Variants in MMEL1 observed in about 807,000 individuals in gnomAD.
The protein encoded by MMEL1 is membrane metallo-endopeptidase-like 1.
Under a neutral mutation model 117.1 loss-of-function variants are expected in MMEL1, and 98 were observed. The ratio of observed to expected loss-of-function variants is 0.84; its 90% CI spans 0.71 to 0.99. The LOEUF (loss-of-function observed/expected upper bound fraction) is 0.99. Among genes scored for constraint, MMEL1 ranks in the 50% least tolerant of loss-of-function variants. The pLI is 0.00. For synonymous variants in MMEL1, 390 were observed against 415.1 expected (o/e 0.94, Z 0.74); for missense variants, 1,014 against 1,049.1 (o/e 0.97, Z 0.46).
chr1:2,604,044 C>A, intron 10 of MMEL1, 71 bp from the exon 11 acceptor site: 16 of 1,588,300 alleles, frequency 1.0e-5, no homozygotes, highest in Non-Finnish European at 1.4e-5. Flanking sequence ...CCAGTCCCTG[C>A]CTGCTACCGG....
chr1:2,609,567 G>A (rs1645093054), intron 5 of MMEL1, 103 bp downstream of exon 5: 3 of 1,537,122 alleles, frequency 2.0e-6, no homozygotes, highest in Admixed American at 1.8e-5. Flanking sequence ...ACTGGACCAA[G>A]GAGGAAGCAC....
intron 13 of MMEL1, among the ~76,000 whole-genome samples, chr1:2,597,562 G>C (rs1207799933): frequency 6.6e-6 from 1 of 152,098 alleles, no homozygotes. Flanking sequence ...TCACCTGGGT[G>C]ACCACATCGG....
At chr1:2,591,869 G>A in intron 22 of MMEL1, 63 bp downstream of exon 22, 2 of 1,515,462 alleles carry the variant, frequency 1.3e-6, no homozygotes, top group Non-Finnish European at 1.8e-6. Flanking sequence ...GTGCCCCAGA[G>A]TGGGCCCTCC....
In MMEL1 at chr1:2,617,287, C is replaced by T. The variant is rs1645216497; in HGVS notation, c.155-5083G>A. On this transcript the variant is annotated intron_variant, in intron 2 of 23. Coordinates refer to ENST00000378412, the MANE Select transcript of MMEL1 (RefSeq NM_033467.4). Reference sequence around the variant, plus strand: ...CTAAAAATACAAAAAATTAGCCGGGCGTGGTGGCGGGCGCCTGTAGTCCCA... The same window carrying T: ...CTAAAAATACAAAAAATTAGCCGGGTGTGGTGGCGGGCGCCTGTAGTCCCA... Among the ~76,000 whole-genome samples, 9 of 152,054 alleles carry T rather than the reference C, an allele frequency of 5.9e-5. No homozygotes were observed. In the South Asian group the frequency reaches 1.2e-3, roughly 21 times the overall value.
Position 2,598,779 on chromosome 1 carries a change from C to G in MMEL1, c.1053G>C (p.Trp351Cys), listed in dbSNP as rs1234443542. 6.2e-7 allele frequency: 1 copy of G among 1,612,174 alleles called. No homozygotes were observed. The highest frequency in any genetic ancestry group is 1.3e-5 in the African/African-American group (1 of 74,832). The change falls in exon 12 of 24, where the codon TGG becomes TGC. Residue 351 changes from tryptophan to cysteine, a missense_variant. Coordinates refer to ENST00000378412, the MANE Select transcript of MMEL1 (RefSeq NM_033467.4). ...QSQFGLKGFN[W>C]TLFIQTVLSS... Reference sequence around the variant, plus strand: ...ATAGCACAGTTTGTATGAACAGAGTCCAGTTAAATCCCTGCAGATAGAGGA... The same window carrying G: ...ATAGCACAGTTTGTATGAACAGAGTGCAGTTAAATCCCTGCAGATAGAGGA...
Position 2,592,819 on chromosome 1 carries a change from G to A in MMEL1, c.2001+14C>T. On this transcript the variant is annotated intron_variant, in intron 20 of 23. Transcript: ENST00000378412. The stretch of plus-strand genomic sequence containing the variant: ...CGGTACCCCCGCAGCCTGGGTGCTG[G>A]TGGCAGCGCTCACGTTCTGTTCGTC... 1 of 1,613,278 alleles carries A rather than the reference G, an allele frequency of 6.2e-7. No homozygotes were observed. Among genetic ancestry groups the A allele is most frequent in the East Asian group, 2.2e-5 (1 of 44,792 alleles).
rs1210444481 is a variant in MMEL1 at position 2,609,714 on chromosome 1, C to T, written c.410G>A (p.Ser137Asn). 1.9e-6 allele frequency: 3 copies of T among 1,613,466 alleles called. No homozygotes were observed. The Admixed American group carries it at 5.0e-5, about 27-fold the overall frequency. ...CTCGTCGCGGAGGACGTCAAAGATG[C>T]TGTATCTTGAGTTGGTCTCAGGGAT... ...HVIPETNSRY[S>N]IFDVLRDELE... The change falls in exon 5 of 24, where the codon AGC (serine) becomes AAC (asparagine). Residue 137 changes from serine to asparagine, a missense_variant. Coordinates refer to ENST00000378412, the MANE Select transcript of MMEL1 (RefSeq NM_033467.4).
Position 2,590,888 on chromosome 1 carries a change from G to A in MMEL1, c.*102C>T, listed in dbSNP as rs1644674851. The A allele has an allele frequency of 1.1e-6, 1 of 926,112 alleles. No individual in the cohort carries two copies. Among genetic ancestry groups the A allele is most frequent in the Non-Finnish European group, 1.5e-6 (1 of 680,890 alleles). The allele number at this position is 926,112 out of a possible 1,614,324, so 57.4% of individuals were successfully genotyped here. On this transcript the variant is annotated 3_prime_UTR_variant, in exon 24 of 24. Coordinates refer to ENST00000378412, the MANE Select transcript of MMEL1 (RefSeq NM_033467.4). Reference sequence around the variant, plus strand: ...CCTGGCAGGCAGGCTTGGCATGGTTGGCCGGGGCGGGACGTACACTGGGTC... The same window carrying A: ...CCTGGCAGGCAGGCTTGGCATGGTTAGCCGGGGCGGGACGTACACTGGGTC...
At position 2,592,718 on chromosome 1, in the gene MMEL1, C is replaced by G. The variant is rs148588192; in HGVS notation, c.2004G>C (p.Val668=). The change falls in exon 21 of 24, where the codon GTG becomes GTC. Residue 668 remains valine, a splice_region_variant and synonymous_variant. Transcript: ENST00000378412. ...TTTCCCCAAGGGTGTTGAATCCGTT[C>G]ACCTGCGCACAGGAGACAGGATTGG... The part of the protein sequence containing the change: ...YSWDLADEQN[V]NGFNTLGENI... The G allele has an allele frequency of 6.2e-6, 10 of 1,611,552 alleles. No homozygotes were observed. The highest frequency in any genetic ancestry group is 8.5e-6 in the Non-Finnish European group (10 of 1,179,166).
Position 2,612,047 on chromosome 1 carries a change from C to A in MMEL1, c.232+80G>T. ...AGGGTTGGGCAGAACCCAGCCCCTG[C>A]CCCTCCACGGAGTCCCCCCACCTTG... On this transcript the variant is annotated intron_variant, in intron 3 of 23. Transcript: ENST00000378412. This position sits in a 1 kb window ranked among gnomAD's most constrained non-coding sequence, Gnocchi z 5.4. 2 of 1,237,502 alleles carry A rather than the reference C, an allele frequency of 1.6e-6. No individual in the cohort carries two copies. The highest frequency in any genetic ancestry group is 2.6e-5 in the South Asian group (2 of 76,860). 76.7% of individuals were successfully genotyped at this position (1,237,502 alleles called of 1,614,324 possible). A position where few individuals can be genotyped will look rare whatever the true frequency, so the allele number is the denominator to read the frequency against.
intron 4 of MMEL1, among the ~76,000 whole-genome samples, chr1:2,610,215 A>C (rs1190589572): frequency 4.0e-5 from 6 of 151,888 alleles, no homozygotes; most frequent in African/African-American, 1.4e-4. Flanking sequence ...TGCCTTTTTA[A>C]AAAATTTATT....
chr1:2,630,830 ATGTGCGTGGATATGCACCTG>A (rs1235586411), intron 1 of MMEL1, among the ~76,000 whole-genome samples: 5 of 132,792 alleles, frequency 3.8e-5, no homozygotes, highest in Non-Finnish European at 7.8e-5. Context: ...GTGCATGATT[ATGTGCGTGGATATGCACCTG>A]TGTGCGTGTA....
At chr1:2,615,355 A>T (rs1049096356) in intron 2 of MMEL1, among the ~76,000 whole-genome samples, 15 of 152,304 alleles carry the variant, frequency 9.8e-5, no homozygotes, top group African/African-American at 3.4e-4. Context: ...CCTCTTCAAC[A>T]CATGTTACCC....
At chr1:2,614,515 T>C (rs1645174178) in intron 2 of MMEL1, among the ~76,000 whole-genome samples, 1 of 152,202 alleles carries the variant, frequency 6.6e-6, no homozygotes, top group Non-Finnish European at 1.5e-5. Flanking sequence ...GAATGGTCCA[T>C]GTGGTGGTGG....
At position 2,611,603 on chromosome 1, in the gene MMEL1, A is replaced by G. The variant is rs529267170; in HGVS notation, c.233-263T>C. 6.6e-5 allele frequency among the ~76,000 whole-genome samples: 10 copies of G among 152,224 alleles called. No individual in the cohort carries two copies. The South Asian group carries it at 1.7e-3, about 25-fold the overall frequency. On this transcript the variant is annotated intron_variant, in intron 3 of 23. Transcript: ENST00000378412. ...CATGGGTGGTCCAGCCTGGCAGCCC[A>G]AGTCCTCCCCAGGTGGCCCAGGCCT...
chr1:2,594,710 C>G, intron 17 of MMEL1, 80 bp downstream of exon 17: 1 of 1,271,972 alleles, frequency 7.9e-7, no homozygotes, highest in Non-Finnish European at 1.1e-6. Flanking sequence ...TCCAGTCCCC[C>G]GCCTGGCAGG....
chr1:2,632,826 C>T (rs1638654483), intron 1 of MMEL1, 40 bp downstream of exon 1: 8 of 983,338 alleles, frequency 8.1e-6, no homozygotes, highest in Non-Finnish European at 9.7e-6. Flanking sequence ...TTTCAAGGCC[C>T]AGGAAAGCAG....
intron 6 of MMEL1, among the ~76,000 whole-genome samples, chr1:2,609,096 T>C (rs1645083558): frequency 6.7e-6 from 1 of 150,064 alleles, no homozygotes. Flanking sequence ...TCCTGCAGCC[T>C]GGAACGTGTG....
intron 19 of MMEL1, 120 bp from the exon 20 acceptor site, chr1:2,593,086 CCA>C: frequency 7.6e-7 from 1 of 1,317,318 alleles, no homozygotes; most frequent in Non-Finnish European, 1.1e-6. Context: ...TACGGAGAGC[CCA>C]CAGTCTGAGT....
Sources: gnomAD v4.1 joint callset for allele counts (sites outside exome capture counted in the v4.1 genomes callset) on GRCh38, gnomAD v4.1.1 for gene constraint, Gnocchi (gnomAD v3.1) non-coding constraint, MANE v1.5 for transcripts, NCBI Gene and HGNC (gene_info 2026-07-23, HGNC 2026-07-21) for gene names.